KLC3: variants seen among roughly 807,000 people sequenced by gnomAD.
The protein encoded by KLC3 is kinesin light chain 3.
In KLC3, 72 loss-of-function variants were observed where a neutral mutation model predicts 62.9. That is an observed-to-expected ratio of 1.15 (90% CI 0.95 to 1.39). The LOEUF is 1.39. Among genes scored for constraint, KLC3 ranks in the 40% most tolerant of loss-of-function variants. The pLI is 0.00. For missense variants in KLC3, 848 were observed against 691.6 expected (o/e 1.23, Z -2.54); for synonymous variants, 377 against 300.5 (o/e 1.25, Z -2.63).
intron 10 of KLC3, 23 bp from the exon 11 acceptor site, chr19:45,350,618 C>T: frequency 6.2e-7 from 1 of 1,613,012 alleles, no homozygotes; most frequent in Non-Finnish European, 8.5e-7. Flanking sequence ...GGGGACTGAG[C>T]AGCATCCCCG....
chr19:45,346,001 A>G (rs758320477), intron 2 of KLC3, among the ~76,000 whole-genome samples: 2 of 152,098 alleles, frequency 1.3e-5, no homozygotes, highest in Non-Finnish European at 2.9e-5. Context: ...CCCCATCTCT[A>G]CTAAAAATAC....
intron 3 of KLC3, 184 bp downstream of exon 3, chr19:45,346,958 C>G: frequency 1.7e-6 from 1 of 577,162 alleles, no homozygotes; most frequent in Non-Finnish European, 3.0e-6. Context: ...CCAGAACTTC[C>G]ACAGACGCCC....
chr19:45,342,664 G>T (rs1223985765), intron 1 of KLC3, among the ~76,000 whole-genome samples: 2 of 152,040 alleles, frequency 1.3e-5, no homozygotes, highest in African/African-American at 4.8e-5. Context: ...TACTTGGGAG[G>T]GTGAGGGAGG....
chr19:45,350,769 A>T (rs1331134533), intron 11 of KLC3, 22 bp downstream of exon 11: 1 of 1,594,680 alleles, frequency 6.3e-7, no homozygotes, highest in South Asian at 1.1e-5. Context: ...TCAGGTCGGC[A>T]AAGAGCCCTG....
At position 45,348,017 on chromosome 19, in the gene KLC3, C is replaced by A; in HGVS notation, c.636C>A (p.Asn212Lys). 6.2e-7 allele frequency: 1 copy of A among 1,609,254 alleles called. No individual in the cohort carries two copies. Among genetic ancestry groups the A allele is most frequent in the Non-Finnish European group, 8.5e-7 (1 of 1,177,992 alleles). Reference sequence around the variant, plus strand: ...CTGCCCGCCTTCGGACCCTGCATAACCTCGTGATCCAGTACGCGGGGCAGG... The same window carrying A: ...CTGCCCGCCTTCGGACCCTGCATAAACTCGTGATCCAGTACGCGGGGCAGG... ...EIPARLRTLH[N>K]LVIQYAGQGR... Residue 212 changes from asparagine (N) to lysine (K), a missense_variant, in exon 5 of 13, where the codon AAC becomes AAA. Transcript: ENST00000391946.
Position 45,349,602 on chromosome 19 carries a change from G to C in KLC3, c.1143G>C (p.Leu381=). The change falls in exon 8 of 13, where the codon CTG becomes CTC. Residue 381 remains leucine (L), a splice_region_variant and synonymous_variant. Coordinates refer to ENST00000391946, the MANE Select transcript of KLC3 (RefSeq NM_177417.3). The stretch of plus-strand genomic sequence containing the variant: ...ACGTGGCCAAGACCAAGAACAACCT[G>C]GTGAGGCCCCTGGGGCTCAGAGTGG... ...DPNVAKTKNN[L]ASAYLKQNKY... is the part of the protein sequence containing the mutation. 2 of 1,607,308 alleles carry C rather than the reference G, an allele frequency of 1.2e-6. No individual in the cohort carries two copies. Among genetic ancestry groups the C allele is most frequent in the Non-Finnish European group, 1.7e-6 (2 of 1,175,536 alleles).
In KLC3 at chr19:45,350,984, G is replaced by C. The variant is rs745770069; in HGVS notation, c.1410G>C (p.Leu470=). Reference sequence around the variant, plus strand: ...AGAGAGCCATGTCACTCAACACACTGAACGTGGATGCTCCAAGGGCTCCTG... The same window carrying C: ...AGAGAGCCATGTCACTCAACACACTCAACGTGGATGCTCCAAGGGCTCCTG... ...GMKRAMSLNT[L]NVDAPRAPGT... The change falls in exon 12 of 13, where the codon CTG becomes CTC. Residue 470 remains leucine, a synonymous_variant. Coordinates refer to ENST00000391946, the MANE Select transcript of KLC3 (RefSeq NM_177417.3). The C allele has an allele frequency of 1.4e-5, 23 of 1,614,016 alleles. No homozygotes were observed. Among genetic ancestry groups the C allele is most frequent in the South Asian group, 1.2e-4 (11 of 91,092 alleles).
intron 11 of KLC3, 55 bp downstream of exon 11, chr19:45,350,802 ACCCCAC>A (rs954552596): frequency 3.9e-4 from 321 of 823,620 alleles, no homozygotes; most frequent in African/African-American, 2.5e-3. Flanking sequence ...TCCACAGCCC[ACCCCAC>A]CCCCACCCCC....
At chr19:45,351,039 A>AAAAT in intron 12 of KLC3, 22 bp downstream of exon 12, 1 of 1,614,016 alleles carries the variant, frequency 6.2e-7, no homozygotes, top group Non-Finnish European at 8.5e-7. Context: ...ATCTGGGTCA[A>AAAAT]AAATAGAGGA....
chr19:45,350,430 C>T lies in KLC3; in HGVS notation c.1233C>T (p.Leu411=), dbSNP rs201301675. 130 of 1,613,844 alleles carry T rather than the reference C, an allele frequency of 8.1e-5. No homozygotes were observed. The East Asian group carries it at 1.7e-3, about 21-fold the overall frequency. ...ILHKEDLPAP[L]GAPNTGTAGD... ...ACAAGGAGGACCTACCCGCCCCTCT[C>T]GGTGAGCCCCTAGCCCCTGTCTGTC... Residue 411 remains leucine, a splice_region_variant and synonymous_variant, in exon 9 of 13, where the codon CTC becomes CTT. Coordinates refer to ENST00000391946, the MANE Select transcript of KLC3 (RefSeq NM_177417.3).
chr19:45,343,630 C>G (rs1161688070), intron 1 of KLC3, among the ~76,000 whole-genome samples: 1 of 152,120 alleles, frequency 6.6e-6, no homozygotes, highest in Non-Finnish European at 1.5e-5. Context: ...CCACCGCGCC[C>G]AGGCTTGGTT....
rs757277251 is a variant in KLC3, at chr19:45,351,287, T to A, written c.1445T>A (p.Phe482Tyr). ...ACCATCCCCTGTGCCTGTCTCCAGT[T>A]TCCCAGCTGGCACCTGGACAAGGCC... ...VDAPRAPGTQ[F>Y]PSWHLDKAPR... Residue 482 changes from phenylalanine (F) to tyrosine (Y), a missense_variant and splice_region_variant, in exon 13 of 13, where the codon TTT becomes TAT. Physicochemically the swap from Phe to Tyr is conservative, Grantham distance 22. Coordinates refer to ENST00000391946, the MANE Select transcript of KLC3 (RefSeq NM_177417.3). The A allele has an allele frequency of 6.2e-7, 1 of 1,612,584 alleles. No individual in the cohort carries two copies. Among genetic ancestry groups the A allele is most frequent in the South Asian group, 1.1e-5 (1 of 91,068 alleles).
rs1322522998 is a variant in KLC3, at chr19:45,350,520, C to CA, written c.1241_1242insA (p.Asn415GlnfsTer7). ...CCCCCATCTTTCCCCCTAGGTGCCC[C>CA]CAACACAGGCACAGCTGGTGACGCA... On this transcript the variant is annotated frameshift_variant, in exon 10 of 13. Transcript: ENST00000391946. LOFTEE classifies it high-confidence loss of function. 8 of 1,613,990 alleles carry CA rather than the reference C, an allele frequency of 5.0e-6. No homozygotes were observed. Among genetic ancestry groups the CA allele is most frequent in the Non-Finnish European group, 6.8e-6 (8 of 1,179,970 alleles).
chr19:45,340,953 C>T (rs917771570), intron 1 of KLC3, 107 bp downstream of exon 1: 4 of 152,238 alleles, frequency 2.6e-5, no homozygotes, highest in African/African-American at 9.7e-5. Context: ...CTTGGGGCTC[C>T]CGGATGCCCC....
At position 45,345,583 on chromosome 19, in the gene KLC3, C is replaced by A; in HGVS notation, c.42C>A (p.Gly14=). Residue 14 remains glycine (G), a synonymous_variant, in exon 2 of 13, where the codon GGC becomes GGA. Coordinates refer to ENST00000391946, the MANE Select transcript of KLC3 (RefSeq NM_177417.3). The part of the protein sequence containing the change: ...QVAAPGSAGL[G]PERLSPEELV... ...CGGCTCCTGGAAGTGCAGGGCTGGGCCCAGAGCGCCTGAGCCCTGAGGAGC... is the reference window on the plus strand; with the variant it reads ...CGGCTCCTGGAAGTGCAGGGCTGGGACCAGAGCGCCTGAGCCCTGAGGAGC... 6.4e-7 allele frequency: 1 copy of A among 1,569,292 alleles called. No homozygotes were observed. The highest frequency in any genetic ancestry group is 8.6e-7 in the Non-Finnish European group (1 of 1,158,126).
Position 45,349,424 on chromosome 19 carries a change from C to T in KLC3, c.970-5C>T. 1 of 1,599,650 alleles carries T rather than the reference C, an allele frequency of 6.3e-7. No homozygotes were observed. The highest frequency in any genetic ancestry group is 8.5e-7 in the Non-Finnish European group (1 of 1,171,140). ...TCCCTCTGACTTGTGACCCCTGGCCCCCAGGTCCTGGGTGCTGACCACCCA... is the reference window on the plus strand; with the variant it reads ...TCCCTCTGACTTGTGACCCCTGGCCTCCAGGTCCTGGGTGCTGACCACCCA... On this transcript the variant is annotated splice_polypyrimidine_tract_variant and splice_region_variant and intron_variant, in intron 7 of 12. Transcript: ENST00000391946.
intron 2 of KLC3, among the ~76,000 whole-genome samples, chr19:45,346,128 C>T (rs1359392994): frequency 1.3e-5 from 2 of 152,204 alleles, no homozygotes; most frequent in South Asian, 2.1e-4. Flanking sequence ...TGCCATTCCA[C>T]TCCAGTCTGG....
rs1187716801 is a variant in KLC3, at chr19:45,351,376, G to T, written c.*19G>T. ...CCACTAACGTCCAGTGAACTGCGCT[G>T]GCCGCAGCTTCTTGGGAACAGTGCA... On this transcript the variant is annotated 3_prime_UTR_variant, in exon 13 of 13. Transcript: ENST00000391946. The T allele has an allele frequency of 6.2e-7, 1 of 1,608,412 alleles. No homozygotes were observed.
Position 45,349,578 on chromosome 19 carries a change from C to A in KLC3, c.1119C>A (p.Asn373Lys), listed in dbSNP as rs371987569. Residue 373 changes from asparagine to lysine, a missense_variant, in exon 8 of 13, where the codon AAC becomes AAA. Transcript: ENST00000391946. ...CACTGGGCGGGCCCCATGACCCCAA[C>A]GTGGCCAAGACCAAGAACAACCTGG... ...YEALGGPHDP[N>K]VAKTKNNLAS... is the part of the protein sequence containing the mutation. The A allele has an allele frequency of 1.7e-5, 27 of 1,612,722 alleles. No individual in the cohort carries two copies. Among genetic ancestry groups the A allele is most frequent in the Non-Finnish European group, 2.0e-5 (24 of 1,179,234 alleles).
Sources: allele counts gnomAD v4.1 joint callset (sites outside exome capture counted in the v4.1 genomes callset), GRCh38; gene constraint gnomAD v4.1.1; transcripts MANE v1.5; gene names NCBI Gene and HGNC (gene_info 2026-07-23, HGNC 2026-07-21).